The following EXD2 variants were observed in gnomAD, a reference collection of about 807,000 sequenced individuals.
The protein encoded by EXD2 is exonuclease 3'-5' domain containing 2.
EXD2 carries 40 observed loss-of-function variants against 62.5 expected under a neutral mutation model. The ratio of observed to expected loss-of-function variants is 0.64; its 90% confidence interval spans 0.50 to 0.83. The LOEUF (loss-of-function observed/expected upper bound fraction) is 0.83. Among genes scored for constraint, EXD2 ranks in the 40% least tolerant of loss-of-function variants. The pLI, the probability that EXD2 is intolerant of heterozygous loss-of-function variation, is 0.00. For synonymous variants in EXD2, 239 were observed against 291.9 expected (o/e 0.82, Z 1.85); for missense variants, 671 against 761.8 (o/e 0.88, Z 1.40).
At chr14:69,239,866 T>G (rs1236391086) in intron 9 of EXD2, among the ~76,000 whole-genome samples, 7 of 152,328 alleles carry the variant, frequency 4.6e-5, no homozygotes, top group African/African-American at 1.4e-4. Context: ...CCTCCCAAAG[T>G]GCTGGGATTA....
At chr14:69,238,819 G>C (rs2043889857) in intron 9 of EXD2, among the ~76,000 whole-genome samples, 1 of 151,988 alleles carries the variant, frequency 6.6e-6, no homozygotes, top group African/African-American at 2.4e-5. Flanking sequence ...ATTTTTTGTA[G>C]AGATGGGGTT....
intron 3 of EXD2, among the ~76,000 whole-genome samples, chr14:69,222,642 C>A (rs1468422782): frequency 6.6e-6 from 1 of 152,152 alleles, no homozygotes; most frequent in East Asian, 1.9e-4. Context: ...ATATTGCAAA[C>A]TGAGATGCCT....
intron 1 of EXD2, among the ~76,000 whole-genome samples, chr14:69,200,658 A>G (rs2042365515): frequency 6.6e-6 from 1 of 151,694 alleles, no homozygotes; most frequent in African/African-American, 2.4e-5. Context: ...GCAGTGAGCC[A>G]AGATCGCGCC....
At chr14:69,205,285 A>G (rs1316835768) in intron 2 of EXD2, among the ~76,000 whole-genome samples, 1 of 152,082 alleles carries the variant, frequency 6.6e-6, no homozygotes, top group East Asian at 1.9e-4. Context: ...TCCTGGGCTC[A>G]AGTGATGCTC....
At chr14:69,205,458 C>T (rs1566818901) in intron 2 of EXD2, among the ~76,000 whole-genome samples, 1 of 151,944 alleles carries the variant, frequency 6.6e-6, no homozygotes, top group Admixed American at 6.6e-5. Context: ...ACATTTTAAC[C>T]TGTCTATTGA....
Position 69,243,258 on chromosome 14 carries a change from A to G in EXD2, c.*2158A>G, listed in dbSNP as rs1207731718. 6.6e-6 allele frequency: 1 copy of G among 152,206 alleles called. No individual in the cohort carries two copies. Among genetic ancestry groups the G allele is most frequent in the African/African-American group, 2.4e-5 (1 of 41,454 alleles). The allele number at this position is 152,206 out of a possible 1,614,324, so 9.4% of individuals were successfully genotyped here. A position where few individuals can be genotyped will look rare whatever the true frequency, so the allele number is the denominator to read the frequency against. On this transcript the variant is annotated 3_prime_UTR_variant, in exon 10 of 10. Coordinates refer to ENST00000685843, the MANE Select transcript of EXD2 (RefSeq NM_001193360.2). The stretch of plus-strand genomic sequence containing the variant: ...TAGACTTATTTTATGGCAAATGTCT[A>G]TTTTTCTGATATAAAAGTAACAATG...
chr14:69,237,945 G>A lies in EXD2; in HGVS notation c.1649+14G>A, dbSNP rs8008141. 0.065 allele frequency: 99,633 copies of A among 1,532,612 alleles called. 3,756 individuals carry two copies. Among genetic ancestry groups the A allele is most frequent in the Non-Finnish European group, 0.076 (86,268 of 1,142,116 alleles). The allele number at this position is 1,532,612 out of a possible 1,614,324, so 94.9% of individuals were successfully genotyped here. ...CCTGGAGACCAGGTACAAAGCACAG[G>A]AATTGTGGAATGTACCAGGGACATT... On this transcript the variant is annotated intron_variant, in intron 9 of 9. Transcript: ENST00000685843.
Position 69,236,510 on chromosome 14 carries a change from T to C in EXD2, c.1260T>C (p.Cys420=). Residue 420 remains cysteine (C), a synonymous_variant, in exon 8 of 10, where the codon TGT becomes TGC. Coordinates refer to ENST00000685843, the MANE Select transcript of EXD2 (RefSeq NM_001193360.2). ...ACTTGATGGTTAAAGAGAACCTGTG[T>C]GTAGTGTGTGGCAAGAGAGACTCCT... The part of the protein sequence containing the change: ...DYYLMVKENL[C]VVCGKRDSYI... 2 of 1,614,120 alleles carry C rather than the reference T, an allele frequency of 1.2e-6. No homozygotes were observed. Among genetic ancestry groups the C allele is most frequent in the East Asian group, 2.2e-5 (1 of 44,890 alleles).
chr14:69,196,586 C>T (rs2042211150), intron 1 of EXD2, among the ~76,000 whole-genome samples: 2 of 151,152 alleles, frequency 1.3e-5, no homozygotes, highest in Admixed American at 1.3e-4. Flanking sequence ...ACCAACAATG[C>T]ATGAGATTTC....
At chr14:69,233,044 T>TA (rs2043641313) in intron 5 of EXD2, among the ~76,000 whole-genome samples, 1 of 152,228 alleles carries the variant, frequency 6.6e-6, no homozygotes. Context: ...CATTTTGAGT[T>TA]AATTTTTGTG....
chr14:69,204,113 G>A (rs1031421757), intron 2 of EXD2, 113 bp downstream of exon 2: 6 of 152,192 alleles, frequency 3.9e-5, no homozygotes, highest in Non-Finnish European at 7.3e-5. Context: ...TCATTAAAGT[G>A]TGATTTATTC....
intron 3 of EXD2, chr14:69,213,942 CCTT>C (rs1387180072): frequency 7.9e-5 from 12 of 152,006 alleles, no homozygotes; most frequent in African/African-American, 2.4e-4. Context: ...ATATCTCTGA[CCTT>C]CTTTTGGGGA....
chr14:69,194,231 C>A (rs567191624), intron 1 of EXD2, among the ~76,000 whole-genome samples: 1 of 151,558 alleles, frequency 6.6e-6, no homozygotes, highest in Admixed American at 6.6e-5. Flanking sequence ...CTCTGCCTCC[C>A]GAGTTCATGC....
At chr14:69,201,558 C>G (rs992540056) in intron 1 of EXD2, among the ~76,000 whole-genome samples, 5 of 151,984 alleles carry the variant, frequency 3.3e-5, no homozygotes, top group African/African-American at 1.2e-4. Flanking sequence ...TGTGCACAAG[C>G]TGTTCCCTCC....
intron 8 of EXD2, among the ~76,000 whole-genome samples, 176 bp downstream of exon 8, chr14:69,236,718 C>T (rs2043804919): frequency 6.6e-6 from 1 of 152,146 alleles, no homozygotes; most frequent in Non-Finnish European, 1.5e-5. Flanking sequence ...CTATAGTGGC[C>T]CTTACCCCTC....
At chr14:69,217,700 C>G (rs189315130) in intron 3 of EXD2, among the ~76,000 whole-genome samples, 2 of 152,244 alleles carry the variant, frequency 1.3e-5, no homozygotes, top group African/African-American at 2.4e-5. Flanking sequence ...TCCCCCCACT[C>G]CATGACAGGC....
Position 69,236,835 on chromosome 14 carries a change from A to C in EXD2, c.1292+293A>C, listed in dbSNP as rs2043810930. On this transcript the variant is annotated intron_variant, in intron 8 of 9. Coordinates refer to ENST00000685843, the MANE Select transcript of EXD2 (RefSeq NM_001193360.2). ...TGAAAGACTGAAGACCAGTTCCTTC[A>C]GAAGCTGTGTCCCTCTCATCCTCTC... 3.3e-5 allele frequency among the ~76,000 whole-genome samples: 5 copies of C among 152,326 alleles called. No individual in the cohort carries two copies. The South Asian group carries it at 8.3e-4, about 25-fold the overall frequency.
intron 4 of EXD2, among the ~76,000 whole-genome samples, chr14:69,229,648 T>C (rs1029258204): frequency 8.5e-5 from 13 of 152,200 alleles, no homozygotes; most frequent in African/African-American, 3.1e-4. Context: ...AGCCCTTATC[T>C]GGGAGGAAGA....
intron 3 of EXD2, 109 bp from the exon 4 acceptor site, chr14:69,228,707 A>G: frequency 1.4e-6 from 2 of 1,400,414 alleles, no homozygotes; most frequent in South Asian, 1.4e-5. Flanking sequence ...GTCAGATGCT[A>G]CCTTTGGGAA....
Sources: gnomAD v4.1 joint callset for allele counts (sites outside exome capture counted in the v4.1 genomes callset) on GRCh38, gnomAD v4.1.1 for gene constraint, MANE v1.5 for transcripts, NCBI Gene and HGNC (gene_info 2026-07-23, HGNC 2026-07-21) for gene names.